Variants in MAP7 observed in about 807,000 individuals in gnomAD.
The protein encoded by MAP7 is microtubule associated protein 7, also known as ensconsin.
A neutral mutation model predicts 94.8 loss-of-function variants in MAP7; 52 were observed. That is an observed-to-expected ratio of 0.55 (90% CI 0.44 to 0.69). MAP7 has a LOEUF of 0.69. MAP7 is among the 30% of genes least tolerant of loss of function. The pLI, the probability that MAP7 is intolerant of heterozygous loss-of-function variation, is 0.00. For synonymous variants in MAP7, 350 were observed against 357.0 expected, an observed-to-expected ratio of 0.98 and a Z score of 0.22; for missense variants, 940 against 964.6, an observed-to-expected ratio of 0.97 and a Z score of 0.34.
intron 3 of MAP7, among the ~76,000 whole-genome samples, chr6:136,394,174 G>A (rs1041109508): frequency 2.0e-5 from 3 of 151,662 alleles, no homozygotes; most frequent in African/African-American, 7.3e-5. Context: ...TAATAGAGAC[G>A]GGGTTTCACC....
At chr6:136,493,379 T>C (rs1265263354) in intron 1 of MAP7, among the ~76,000 whole-genome samples, 2 of 152,126 alleles carry the variant, frequency 1.3e-5, no homozygotes, top group Non-Finnish European at 2.9e-5. Context: ...CACCTTGGCC[T>C]TCCAAAGTGC....
At chr6:136,372,805 C>A (rs1323075895) in intron 7 of MAP7, among the ~76,000 whole-genome samples, 180 bp from the exon 8 acceptor site, 2 of 152,172 alleles carry the variant, frequency 1.3e-5, no homozygotes, top group Non-Finnish European at 2.9e-5. Context: ...TCATACTCAA[C>A]TGTCCTTACA....
At position 136,386,907 on chromosome 6, in the gene MAP7, C is replaced by T. The variant is rs1395295972; in HGVS notation, c.526+1486G>A. Among the ~76,000 whole-genome samples, 3 of 152,134 alleles carry T rather than the reference C, an allele frequency of 2.0e-5. No individual in the cohort carries two copies. The South Asian group carries it at 6.2e-4, about 31-fold the overall frequency. ...CTCACTGTATCCTCAAATTCCTGGC[C>T]TCAAGTGATCCTCCTGCCTCAGCCT... On this transcript the variant is annotated intron_variant, in intron 5 of 17. Coordinates refer to ENST00000354570, the MANE Select transcript of MAP7 (RefSeq NM_003980.6).
intron 5 of MAP7, among the ~76,000 whole-genome samples, chr6:136,388,171 G>C (rs1779691774): frequency 6.6e-6 from 1 of 152,142 alleles, no homozygotes; most frequent in Non-Finnish European, 1.5e-5. Flanking sequence ...TCCCTTTAAG[G>C]AATTTTGTAA....
Position 136,426,504 on chromosome 6 carries a change from C to G in MAP7, c.68-4705G>C, listed in dbSNP as rs1050354636. Among the ~76,000 whole-genome samples, 10 of 152,222 alleles carry G rather than the reference C, an allele frequency of 6.6e-5. No homozygotes were observed. In the East Asian group the frequency reaches 1.9e-3, roughly 29 times the overall value. ...CCATAAACCCACAGAGGTTTAATAA[C>G]CAAATAAATGATATAGATAGTGTTA... On this transcript the variant is annotated intron_variant, in intron 1 of 17. Coordinates refer to ENST00000354570, the MANE Select transcript of MAP7 (RefSeq NM_003980.6).
intron 11 of MAP7, 100 bp from the exon 12 acceptor site, chr6:136,361,279 G>A (rs913484363): frequency 4.0e-6 from 5 of 1,253,856 alleles, no homozygotes; most frequent in Admixed American, 2.2e-5. Context: ...TCCTTTAGGC[G>A]TCCAGTAGAA....
intron 3 of MAP7, among the ~76,000 whole-genome samples, chr6:136,406,463 A>G (rs1785638109): frequency 6.6e-6 from 1 of 152,104 alleles, no homozygotes; most frequent in African/African-American, 2.4e-5. Context: ...TAACAGCATC[A>G]CTACTAGTGG....
intron 2 of MAP7, among the ~76,000 whole-genome samples, chr6:136,417,290 T>G (rs1257980039): frequency 1.3e-5 from 2 of 152,168 alleles, no homozygotes; most frequent in African/African-American, 2.4e-5. Context: ...CTATGATGTT[T>G]CAAGTGTGGG....
At chr6:136,511,069 T>C (rs553959799) in intron 1 of MAP7, among the ~76,000 whole-genome samples, 9 of 152,270 alleles carry the variant, frequency 5.9e-5, no homozygotes, top group African/African-American at 2.2e-4. Context: ...TCAAAGTAGA[T>C]GTGTGTCACT....
intron 1 of MAP7, among the ~76,000 whole-genome samples, chr6:136,503,159 T>A (rs1562468256): frequency 6.6e-6 from 1 of 152,210 alleles, no homozygotes; most frequent in Non-Finnish European, 1.5e-5. Context: ...AAGTTTTCAA[T>A]ACATGCTCTC....
At chr6:136,526,001 T>C (rs1827735212) in intron 1 of MAP7, 1 of 1,489,504 alleles carries the variant, frequency 6.7e-7, no homozygotes, top group Non-Finnish European at 8.8e-7. Context: ...TTAATTGTGA[T>C]TATATTAAAA....
chr6:136,345,906 G>A lies in MAP7; in HGVS notation c.2189C>T (p.Thr730Ile), dbSNP rs1177023571. ...NPILAFDDEG[T>I]LGPLPQVDGV... Reference sequence around the variant, plus strand: ...ATCTACCTGAGGCAGGGGCCCAAGTGTCCCTTCATCATCAAAGGCCAAAAT... The same window carrying A: ...ATCTACCTGAGGCAGGGGCCCAAGTATCCCTTCATCATCAAAGGCCAAAAT... Residue 730 changes from threonine (T) to isoleucine (I), a missense_variant, in exon 17 of 18, where the codon ACA (threonine) becomes ATA (isoleucine). Thr to Ile is a moderately conservative substitution (Grantham distance 89, BLOSUM62 -1). Coordinates refer to ENST00000354570, the MANE Select transcript of MAP7 (RefSeq NM_003980.6). The A allele has an allele frequency of 2.5e-6, 4 of 1,614,128 alleles. No homozygotes were observed. The highest frequency in any genetic ancestry group is 3.4e-6 in the Non-Finnish European group (4 of 1,180,018).
intron 1 of MAP7, among the ~76,000 whole-genome samples, chr6:136,434,595 G>A (rs1795859817): frequency 6.8e-6 from 1 of 147,762 alleles, no homozygotes; most frequent in Non-Finnish European, 1.5e-5. Flanking sequence ...TACTAGGCAA[G>A]GAATTTTTTT....
At chr6:136,361,282 C>T (rs1179631059) in intron 11 of MAP7, 103 bp from the exon 12 acceptor site, 3 of 1,230,922 alleles carry the variant, frequency 2.4e-6, no homozygotes, top group African/African-American at 3.0e-5. Flanking sequence ...TTTAGGCGTC[C>T]AGTAGAAAAA....
chr6:136,495,098 C>G (rs1167605118), intron 1 of MAP7, among the ~76,000 whole-genome samples: 3 of 152,204 alleles, frequency 2.0e-5, no homozygotes, highest in Non-Finnish European at 4.4e-5. Context: ...CCCTCTTTAT[C>G]TTTACCATTA....
chr6:136,487,398 AT>A (rs778875008), intron 1 of MAP7, among the ~76,000 whole-genome samples: 14 of 152,224 alleles, frequency 9.2e-5, no homozygotes, highest in Non-Finnish European at 2.1e-4. Context: ...TTTAGAAACA[AT>A]TTAAATTTTT....
At chr6:136,425,606 A>G (rs1792912000) in intron 1 of MAP7, among the ~76,000 whole-genome samples, 1 of 152,112 alleles carries the variant, frequency 6.6e-6, no homozygotes, top group African/African-American at 2.4e-5. Context: ...TATTTATTCA[A>G]ATATACCTGC....
chr6:136,466,469 T>A (rs1807118341), intron 1 of MAP7, among the ~76,000 whole-genome samples: 1 of 152,166 alleles, frequency 6.6e-6, no homozygotes. Context: ...AAATAGAGAA[T>A]GATGATGGTT....
chr6:136,492,228 T>C (rs184169081), intron 1 of MAP7, among the ~76,000 whole-genome samples: 88 of 152,378 alleles, frequency 5.8e-4, no homozygotes, highest in African/African-American at 2.0e-3. Flanking sequence ...GGAATATATA[T>C]ACTATAGGCA....
Sources: allele counts gnomAD v4.1 joint callset (sites outside exome capture counted in the v4.1 genomes callset), GRCh38; gene constraint gnomAD v4.1.1; transcripts MANE v1.5; gene names NCBI Gene and HGNC (gene_info 2026-07-23, HGNC 2026-07-21).